IRAK1BP1: variants seen among roughly 807,000 people sequenced by gnomAD.
IRAK1BP1 encodes the protein interleukin-1 receptor-associated kinase 1-binding protein 1.
In IRAK1BP1, 24 loss-of-function variants were observed where a neutral mutation model predicts 28.0. The ratio of observed to expected loss-of-function variants is 0.86; its 90% CI spans 0.62 to 1.20. The LOEUF is 1.20. IRAK1BP1 is among the 50% of genes most tolerant of loss of function. IRAK1BP1 has a pLI of 0.00. For missense variants in IRAK1BP1, 336 were observed against 316.7 expected (o/e 1.06, Z -0.46); for synonymous variants, 131 against 116.3 (o/e 1.13, Z -0.81).
the IRAK1BP1 span, chr6:78,955,011 T>A: frequency 7.4e-7 from 1 of 1,352,972 alleles, no homozygotes; most frequent in Non-Finnish European, 1.0e-6. Context: ...ACTTACACAA[T>A]AAAATTTGTA....
intron 2 of IRAK1BP1, among the ~76,000 whole-genome samples, chr6:78,892,791 G>A (rs1350072912): frequency 6.6e-6 from 1 of 152,102 alleles, no homozygotes; most frequent in Non-Finnish European, 1.5e-5. Context: ...TAAATACACT[G>A]AATAGGATTA....
intron 1 of IRAK1BP1, among the ~76,000 whole-genome samples, chr6:78,882,874 G>C (rs972945903): frequency 2.0e-5 from 3 of 152,150 alleles, no homozygotes; most frequent in Non-Finnish European, 4.4e-5. Context: ...TAACATCAGA[G>C]AAGTCTGAAA....
chr6:78,923,500 G>C (rs553542011), intron 4 of IRAK1BP1, among the ~76,000 whole-genome samples: 1 of 152,226 alleles, frequency 6.6e-6, no homozygotes, highest in African/African-American at 2.4e-5. Flanking sequence ...GTCAACATTA[G>C]ACAGATCATG....
intron 1 of IRAK1BP1, among the ~76,000 whole-genome samples, chr6:78,872,346 TTAAGA>T (rs1283833010): frequency 1.3e-5 from 2 of 152,184 alleles, no homozygotes; most frequent in East Asian, 1.9e-4. Flanking sequence ...GGCACCCAAA[TTAAGA>T]TAAGAAGTAG....
chr6:78,969,898 C>T, the IRAK1BP1 span: 1 of 1,600,252 alleles, frequency 6.2e-7, no homozygotes, highest in Non-Finnish European at 8.6e-7. Context: ...AAATCTATAA[C>T]GTCAGGCATA....
At chr6:78,943,989 T>TAAA (rs1424311614) in intron 4 of IRAK1BP1, among the ~76,000 whole-genome samples, 22 of 46,842 alleles carry the variant, frequency 4.7e-4, no homozygotes, top group African/African-American at 9.8e-4. Context: ...CTGTCTTTTT[T>TAAA]TAAAAAAAAA....
intron 1 of IRAK1BP1, chr6:78,871,562 A>T: frequency 1.0e-6 from 1 of 981,998 alleles, no homozygotes; most frequent in Non-Finnish European, 1.2e-6. Flanking sequence ...CAATGGACTA[A>T]ATGTTTGTTT....
the IRAK1BP1 span, among the ~76,000 whole-genome samples, chr6:78,975,739 CAGAG>C: frequency 2.6e-5 from 4 of 152,076 alleles, no homozygotes; most frequent in South Asian, 6.2e-4. Context: ...AACGGACAAA[CAGAG>C]AGCCAAATCA....
intron 1 of IRAK1BP1, among the ~76,000 whole-genome samples, chr6:78,879,904 TAC>T (rs1054513576): frequency 5.9e-5 from 9 of 152,164 alleles, no homozygotes; most frequent in Non-Finnish European, 1.0e-4. Context: ...TCATATGACA[TAC>T]AACCTTTAAG....
At chr6:78,915,100 G>A (rs920106850) in intron 4 of IRAK1BP1, among the ~76,000 whole-genome samples, 1 of 152,150 alleles carries the variant, frequency 6.6e-6, no homozygotes, top group Admixed American at 6.5e-5. Flanking sequence ...GATTACAGGT[G>A]TGAGCCACCG....
rs539398575 is a variant in IRAK1BP1 at position 78,929,799 on chromosome 6, G to A, written c.*68-15609G>A. On this transcript the variant is annotated intron_variant and NMD_transcript_variant, in intron 4 of 4. Coordinates refer to the IRAK1BP1 transcript ENST00000606868. ...GGTTTGCTTTCTCAAGAAGAGACAAGTTAGTCTGGAGTACCTAAACTTCTT... is the reference window on the plus strand; with the variant it reads ...GGTTTGCTTTCTCAAGAAGAGACAAATTAGTCTGGAGTACCTAAACTTCTT... 3.9e-5 allele frequency among the ~76,000 whole-genome samples: 6 copies of A among 152,252 alleles called. No homozygotes were observed. The South Asian group carries it at 6.2e-4, about 16-fold the overall frequency.
At position 78,928,070 on chromosome 6, in the gene IRAK1BP1, G is replaced by A. The variant is rs140164395; in HGVS notation, c.*68-17338G>A. Reference sequence around the variant, plus strand: ...TAGGATTGTTTTTGCTGTTTCTGTGGGGAATGTCATTGGTATTTTGATATC... The same window carrying A: ...TAGGATTGTTTTTGCTGTTTCTGTGAGGAATGTCATTGGTATTTTGATATC... On this transcript the variant is annotated intron_variant and NMD_transcript_variant, in intron 4 of 4. Transcript: ENST00000606868. Among the ~76,000 whole-genome samples, 98 of 152,044 alleles carry A rather than the reference G, an allele frequency of 6.4e-4. 1 individual carries two copies. In the South Asian group the frequency reaches 8.1e-3, roughly 13 times the overall value.
intron 2 of IRAK1BP1, among the ~76,000 whole-genome samples, chr6:78,897,250 C>T (rs1771918940): frequency 7.7e-6 from 1 of 129,730 alleles, no homozygotes; most frequent in African/African-American, 3.1e-5. Context: ...AAGATCTTGT[C>T]TCTCTTAAAA....
rs188400110 is a variant in IRAK1BP1 at position 78,867,969 on chromosome 6, C to T, written c.315+78C>T. 33 of 1,412,218 alleles carry T rather than the reference C, an allele frequency of 2.3e-5. No individual in the cohort carries two copies. In the East Asian group the frequency reaches 3.0e-4, roughly 13 times the overall value. The allele number at this position is 1,412,218 out of a possible 1,614,324, so 87.5% of individuals were successfully genotyped here. ...CAGATGGTCGGGCCCCACAGGCCCCCCTAGCGGGAAGGGAGATGTGGAGGG... is the reference window on the plus strand; with the variant it reads ...CAGATGGTCGGGCCCCACAGGCCCCTCTAGCGGGAAGGGAGATGTGGAGGG... On this transcript the variant is annotated intron_variant, in intron 1 of 3. Transcript: ENST00000369940.
chr6:78,877,975 T>TAA lies in IRAK1BP1; in HGVS notation c.316-7393_316-7392dup, dbSNP rs199956154. ...CCGCCATTGCTGAGGCTTGAGTAGG[T>TAA]AAAAAAAAAAAGCAGCCGGGAAGCT... On this transcript the variant is annotated intron_variant, in intron 1 of 3. Coordinates refer to ENST00000369940, the MANE Select transcript of IRAK1BP1 (RefSeq NM_001010844.4). Among the ~76,000 whole-genome samples, 687 of 144,768 alleles carry TAA rather than the reference T, an allele frequency of 4.7e-3. 12 individuals are homozygous for TAA. The highest frequency in any genetic ancestry group is 1.1e-3 in the Non-Finnish European group (71 of 65,760). 95.0% of individuals were successfully genotyped at this position (144,768 alleles called of 152,430 possible).
chr6:78,912,526 G>A (rs563404808), intron 4 of IRAK1BP1, among the ~76,000 whole-genome samples: 1 of 151,930 alleles, frequency 6.6e-6, no homozygotes, highest in Admixed American at 6.6e-5. Flanking sequence ...ACATAAATGT[G>A]TATACACACA....
chr6:78,944,496 AG>A (rs1252420060), intron 4 of IRAK1BP1, among the ~76,000 whole-genome samples: 1 of 152,168 alleles, frequency 6.6e-6, no homozygotes, highest in Non-Finnish European at 1.5e-5. Context: ...AATGTCATGG[AG>A]GTGAGAATGG....
chr6:78,870,280 A>G (rs893754121), intron 1 of IRAK1BP1, among the ~76,000 whole-genome samples: 6 of 151,886 alleles, frequency 4.0e-5, no homozygotes, highest in African/African-American at 1.5e-4. Context: ...ATCAGCCCAA[A>G]TTCACCTTCT....
At chr6:78,917,715 A>C (rs540134306) in intron 4 of IRAK1BP1, among the ~76,000 whole-genome samples, 1 of 152,208 alleles carries the variant, frequency 6.6e-6, no homozygotes, top group South Asian at 2.1e-4. Context: ...CATCAGACTA[A>C]CAGTAGACTT....
Sources: gnomAD v4.1 joint callset for allele counts (sites outside exome capture counted in the v4.1 genomes callset) on GRCh38, gnomAD v4.1.1 for gene constraint, MANE v1.5 for transcripts, NCBI Gene and HGNC (gene_info 2026-07-23, HGNC 2026-07-21) for gene names.